TTC16: variants seen among roughly 807,000 people sequenced by gnomAD.
TTC16 encodes the protein tetratricopeptide repeat protein 16.
TTC16 carries 66 observed loss-of-function variants against 80.4 expected under a neutral mutation model. The observed-to-expected ratio is 0.82, with a 90% CI of 0.67 to 1.01. The LOEUF (loss-of-function observed/expected upper bound fraction) is 1.01, where lower values mean the gene tolerates loss of function less well. Among genes scored for constraint, TTC16 ranks in the 50% least tolerant of loss-of-function variants. The pLI is 0.00. For missense variants in TTC16, 1,070 were observed against 1,103.2 expected, an observed-to-expected ratio of 0.97 and a Z score of 0.43; for synonymous variants, 438 against 451.3, an observed-to-expected ratio of 0.97 and a Z score of 0.37.
chr9:127,717,359 G>A lies in TTC16; in HGVS notation c.217G>A (p.Glu73Lys), dbSNP rs139753825. The change falls in exon 3 of 14, where the codon GAG becomes AAG. Residue 73 changes from glutamate (E) to lysine (K), a missense_variant. Physicochemically the swap from Glu to Lys is moderately conservative, Grantham distance 56 (BLOSUM62 1). Coordinates refer to ENST00000373289, the MANE Select transcript of TTC16 (RefSeq NM_144965.3). ...EYYSRGQQCL[E>K]QADWETAVLL... The stretch of plus-strand genomic sequence containing the variant: ...CTACTCCAGAGGCCAGCAGTGCTTG[G>A]AGCAGGCAGACTGGGAGACAGCTGT... The A allele has an allele frequency of 1.5e-3, 2,355 of 1,612,262 alleles. 4 individuals carry two copies. Among genetic ancestry groups the A allele is most frequent in the Non-Finnish European group, 1.8e-3 (2,179 of 1,180,022 alleles).
chr9:127,724,866 G>C lies in TTC16; in HGVS notation c.1228G>C (p.Glu410Gln). The change falls in exon 9 of 14, where the codon GAG (glutamate) becomes CAG (glutamine). Residue 410 changes from glutamate to glutamine, a missense_variant. By Grantham distance (29) the Glu-to-Gln change is conservative. Transcript: ENST00000373289. Reference sequence around the variant, plus strand: ...CAACACGCGCATGGGCCTGCTGCAGGAGAAGATGGGCTTCTGCGAGCAGAG... The same window carrying C: ...CAACACGCGCATGGGCCTGCTGCAGCAGAAGATGGGCTTCTGCGAGCAGAG... ...GANTRMGLLQ[E>Q]KMGFCEQRRK... 1 of 1,575,670 alleles carries C rather than the reference G, an allele frequency of 6.3e-7. No individual in the cohort carries two copies. The highest frequency in any genetic ancestry group is 8.6e-7 in the Non-Finnish European group (1 of 1,163,252).
chr9:127,724,745 C>G lies in TTC16; in HGVS notation c.1118-11C>G. ...GTTGGGGGTCCACTCACCCCCGCCT[C>G]CGGACCCTAGATTGCTTCTTCCAGC... On this transcript the variant is annotated splice_polypyrimidine_tract_variant and intron_variant, in intron 8 of 13. Transcript: ENST00000373289. The G allele has an allele frequency of 6.2e-7, 1 of 1,606,794 alleles. No individual in the cohort carries two copies.
chr9:127,727,118 C>T lies in TTC16; in HGVS notation c.1568+6C>T. The stretch of plus-strand genomic sequence containing the variant: ...AGCCCACAAGGCATTGTGGGGTAAG[C>T]CCTGGAGCAAGGGGCACAGGCCAGG... On this transcript the variant is annotated splice_donor_region_variant and intron_variant, in intron 11 of 13. Transcript: ENST00000373289. The T allele has an allele frequency of 2.5e-6, 4 of 1,588,308 alleles. No homozygotes were observed. Among genetic ancestry groups the T allele is most frequent in the Non-Finnish European group, 3.4e-6 (4 of 1,165,934 alleles).
intron 2 of TTC16, 106 bp downstream of exon 2, chr9:127,717,122 A>C (rs556523620): frequency 1.4e-5 from 20 of 1,436,300 alleles, no homozygotes; most frequent in Non-Finnish European, 1.9e-5. Flanking sequence ...AGTGAACTCA[A>C]CTGTCTAATG....
At chr9:127,721,547 G>T (rs964939792) in intron 6 of TTC16, among the ~76,000 whole-genome samples, 21 of 152,132 alleles carry the variant, frequency 1.4e-4, no homozygotes, top group Non-Finnish European at 2.5e-4. Context: ...CATCCTGGGT[G>T]CGGCCGAAAT....
At chr9:127,720,904 T>C (rs1405443920) in intron 6 of TTC16, among the ~76,000 whole-genome samples, 10 of 33,922 alleles carry the variant, frequency 2.9e-4, no homozygotes, top group East Asian at 7.1e-4. Context: ...TCCTCCTTCC[T>C]CCCTCCTCCC....
At position 127,724,756 on chromosome 9, in the gene TTC16, A is replaced by ATTGCTTCTT. The variant is rs1469753076; in HGVS notation, c.1119_1127dup (p.Cys374_Phe376dup). On this transcript the variant is annotated inframe_insertion and splice_region_variant, in exon 9 of 14. Transcript: ENST00000373289. ...ACTCACCCCCGCCTCCGGACCCTAGATTGCTTCTTCCAGCTGGGCAACCTG... is the reference window on the plus strand; with the variant it reads ...ACTCACCCCCGCCTCCGGACCCTAGATTGCTTCTTTTGCTTCTTCCAGCTGGGCAACCTG... 1 of 1,609,150 alleles carries ATTGCTTCTT rather than the reference A, an allele frequency of 6.2e-7. No homozygotes were observed. Among genetic ancestry groups the ATTGCTTCTT allele is most frequent in the Non-Finnish European group, 8.5e-7 (1 of 1,179,108 alleles).
intron 10 of TTC16, 109 bp downstream of exon 10, chr9:127,726,513 C>T: frequency 8.0e-7 from 1 of 1,246,158 alleles, no homozygotes; most frequent in Non-Finnish European, 1.1e-6. Flanking sequence ...TAAGGCCAGG[C>T]ATGGTGGGTC....
intron 3 of TTC16, 82 bp downstream of exon 3, chr9:127,717,506 C>T (rs544507493): frequency 2.8e-5 from 44 of 1,573,762 alleles, no homozygotes; most frequent in Non-Finnish European, 3.5e-5. Context: ...GATCCCTCCT[C>T]TCAGGGCCAC....
At position 127,718,685 on chromosome 9, in the gene TTC16, G is replaced by A. The variant is rs1415101727; in HGVS notation, c.426+913G>A. ...TCTCAGCTCACAACCTCCACCTCCC[G>A]GGTTCAAATGATTCTTGTGCCTCAG... On this transcript the variant is annotated intron_variant, in intron 4 of 13. Transcript: ENST00000373289. This position sits in a 1 kb window ranked among gnomAD's most constrained non-coding sequence, Gnocchi z 4.6. Among the ~76,000 whole-genome samples the A allele has an allele frequency of 9.9e-5, 15 of 151,586 alleles. No homozygotes were observed. Among genetic ancestry groups the A allele is most frequent in the Admixed American group, 5.9e-4 (9 of 15,230 alleles).
In TTC16 at chr9:127,731,395, A is replaced by G. The variant is rs1411005073; in HGVS notation, c.2612A>G (p.Glu871Gly). Residue 871 changes from glutamate (E) to glycine (G), a missense_variant, in exon 14 of 14, where the codon GAA becomes GGA. Coordinates refer to ENST00000373289, the MANE Select transcript of TTC16 (RefSeq NM_144965.3). Reference sequence around the variant, plus strand: ...GTTGATCAGGACCTCACCTACTATGAAGCTGTCTGAAGGGACCATCCAGAC... The same window carrying G: ...GTTGATCAGGACCTCACCTACTATGGAGCTGTCTGAAGGGACCATCCAGAC... ...TEVDQDLTYY[E>G]AV is the part of the protein sequence containing the mutation. The G allele has an allele frequency of 3.1e-6, 5 of 1,610,946 alleles. No individual in the cohort carries two copies. The highest frequency in any genetic ancestry group is 4.2e-6 in the Non-Finnish European group (5 of 1,178,752).
intron 6 of TTC16, 25 bp from the exon 7 acceptor site, chr9:127,723,094 T>C: frequency 1.2e-6 from 2 of 1,604,842 alleles, no homozygotes; most frequent in Non-Finnish European, 1.7e-6. Context: ...TCTGTGCCCC[T>C]GATGCCACCC....
In TTC16 at chr9:127,717,788, C is replaced by G; in HGVS notation, c.426+16C>G. 8 of 1,607,278 alleles carry G rather than the reference C, an allele frequency of 5.0e-6. No individual in the cohort carries two copies. Among genetic ancestry groups the G allele is most frequent in the Non-Finnish European group, 6.8e-6 (8 of 1,177,462 alleles). Reference sequence around the variant, plus strand: ...CTACCTACAGGTGCCTGGGGCCTCCCGGGCCCATGCAGGGCACCCACCTCA... The same window carrying G: ...CTACCTACAGGTGCCTGGGGCCTCCGGGGCCCATGCAGGGCACCCACCTCA... On this transcript the variant is annotated intron_variant, in intron 4 of 13. Transcript: ENST00000373289.
At chr9:127,717,492 GC>G in intron 3 of TTC16, 68 bp downstream of exon 3, 1 of 1,579,560 alleles carries the variant, frequency 6.3e-7, no homozygotes, top group Non-Finnish European at 8.6e-7. Context: ...TGTCGCACCT[GC>G]CAGATCCCTC....
intron 2 of TTC16, 63 bp from the exon 3 acceptor site, chr9:127,717,271 C>A (rs1478660152): frequency 6.5e-7 from 1 of 1,530,380 alleles, no homozygotes; most frequent in Non-Finnish European, 8.9e-7. Flanking sequence ...CCACCCCAGC[C>A]CTATGCCCTG....
chr9:127,720,155 G>A lies in TTC16; in HGVS notation c.504G>A (p.Glu168=). 1 of 1,613,836 alleles carries A rather than the reference G, an allele frequency of 6.2e-7. No homozygotes were observed. The highest frequency in any genetic ancestry group is 8.5e-7 in the Non-Finnish European group (1 of 1,180,006). Residue 168 remains glutamate (E), a synonymous_variant, in exon 5 of 14, where the codon GAG becomes GAA. Transcript: ENST00000373289. ...CACATGCTGCTGAGCTCCAGCCTGAGAAACCATGCTTCCGTTACCGATGGT... is the reference window on the plus strand; with the variant it reads ...CACATGCTGCTGAGCTCCAGCCTGAAAAACCATGCTTCCGTTACCGATGGT... ...VFSHAAELQP[E]KPCFRYRCMA...
chr9:127,728,788 A>G (rs2131687538), intron 12 of TTC16: 1 of 152,328 alleles, frequency 6.6e-6, no homozygotes, highest in East Asian at 1.9e-4. Context: ...AGAGAGCCAG[A>G]CCCTGTCTAA....
At chr9:127,729,082 G>A (rs76411126) in intron 12 of TTC16, 5,349 of 153,608 alleles carry the variant, frequency 0.035, 309 homozygotes, top group African/African-American at 0.12. Flanking sequence ...ATTCAAACCC[G>A]GCCTCTCTGC....
At position 127,731,570 on chromosome 9, in the gene TTC16, T is replaced by C. The variant is rs1844419110; in HGVS notation, c.*165T>C. Reference sequence around the variant, plus strand: ...ATTATACTTGTTTTCTTTTACAAAATTAAAAACATCTAAAACCAGGCCCAA... The same window carrying C: ...ATTATACTTGTTTTCTTTTACAAAACTAAAAACATCTAAAACCAGGCCCAA... On this transcript the variant is annotated 3_prime_UTR_variant, in exon 14 of 14. Transcript: ENST00000373289. The C allele has an allele frequency of 4.6e-5, 64 of 1,402,980 alleles. No homozygotes were observed. In the South Asian group the frequency reaches 9.7e-4, roughly 21 times the overall value. 86.9% of individuals were successfully genotyped at this position (1,402,980 alleles called of 1,614,324 possible).
Sources: allele counts gnomAD v4.1 joint callset (sites outside exome capture counted in the v4.1 genomes callset), GRCh38; gene constraint gnomAD v4.1.1; non-coding constraint Gnocchi (gnomAD v3.1); transcripts MANE v1.5; gene names NCBI Gene and HGNC (gene_info 2026-07-23, HGNC 2026-07-21).